The following REDIC1 variants were observed in gnomAD, a reference collection of about 807,000 sequenced individuals.
The protein encoded by REDIC1 is HEI10 Interacting Protein 1.
chr12:39,809,235 A>G, the REDIC1 span, among the ~76,000 whole-genome samples: 1 of 152,052 alleles, frequency 6.6e-6, no homozygotes, highest in Non-Finnish European at 1.5e-5. Context: ...GCATATATGG[A>G]TCTATTTCTG....
chr12:39,776,455 G>A, the REDIC1 span, among the ~76,000 whole-genome samples: 3 of 152,200 alleles, frequency 2.0e-5, no homozygotes, highest in Admixed American at 6.5e-5. Flanking sequence ...GCAAGGGGTG[G>A]GTGCTGTATA....
At chr12:39,711,700 TGTATACAC>T in the REDIC1 span, among the ~76,000 whole-genome samples, 1 of 14,114 alleles carries the variant, frequency 7.1e-5, no homozygotes, top group Non-Finnish European at 3.7e-4. Context: ...TATGTGTATG[TGTATACAC>T]ATGCATGTGT....
chr12:39,902,777 C>T, the REDIC1 span, among the ~76,000 whole-genome samples: 4 of 152,000 alleles, frequency 2.6e-5, no homozygotes, highest in African/African-American at 7.2e-5. Flanking sequence ...TTTATATTTA[C>T]ATAGTTTATA....
the REDIC1 span, among the ~76,000 whole-genome samples, chr12:39,662,833 G>T: frequency 4.6e-5 from 7 of 152,002 alleles, no homozygotes; most frequent in Non-Finnish European, 7.4e-5. Context: ...TTTTTATCAT[G>T]AATGGGTGTT....
chr12:39,730,781 G>A, the REDIC1 span, among the ~76,000 whole-genome samples: 892 of 152,232 alleles, frequency 5.9e-3, 29 homozygotes, highest in Admixed American at 0.052. Flanking sequence ...GTCACCTTCA[G>A]GTACACTAAT....
At chr12:39,877,298 C>T in the REDIC1 span, among the ~76,000 whole-genome samples, 3 of 152,130 alleles carry the variant, frequency 2.0e-5, no homozygotes, top group South Asian at 2.1e-4. Context: ...GTATGTCTTA[C>T]ACGGTGGCAG....
At chr12:39,699,131 G>C in the REDIC1 span, among the ~76,000 whole-genome samples, 1 of 152,022 alleles carries the variant, frequency 6.6e-6, no homozygotes, top group Non-Finnish European at 1.5e-5. Context: ...AATAAAATCA[G>C]AGGCCCAGCG....
At chr12:39,764,918 C>T in the REDIC1 span, 1 of 1,553,486 alleles carries the variant, frequency 6.4e-7, no homozygotes, top group Non-Finnish European at 8.8e-7. Flanking sequence ...TGCAGAAATT[C>T]AATATGATCA....
chr12:39,864,655 G>T, the REDIC1 span: 4 of 1,431,988 alleles, frequency 2.8e-6, no homozygotes, highest in Non-Finnish European at 2.8e-6. Flanking sequence ...ACATAAGCCT[G>T]GATGCCCAGC....
chr12:39,691,118 G>C, the REDIC1 span, among the ~76,000 whole-genome samples: 1 of 152,138 alleles, frequency 6.6e-6, no homozygotes, highest in South Asian at 2.1e-4. Flanking sequence ...GAGAAGAAAG[G>C]AAAAGGAAGT....
the REDIC1 span, among the ~76,000 whole-genome samples, chr12:39,785,806 A>T: frequency 6.6e-6 from 1 of 152,194 alleles, no homozygotes; most frequent in African/African-American, 2.4e-5. Flanking sequence ...AAAGGAGATC[A>T]TTTTGGAGCT....
chr12:39,785,016 T>G, the REDIC1 span, among the ~76,000 whole-genome samples: 2 of 152,162 alleles, frequency 1.3e-5, no homozygotes, highest in African/African-American at 4.8e-5. Flanking sequence ...GTTAGAAAAT[T>G]TGCAGCCTTA....
At chr12:39,713,790 T>A in the REDIC1 span, among the ~76,000 whole-genome samples, 12 of 148,938 alleles carry the variant, frequency 8.1e-5, no homozygotes, top group Non-Finnish European at 1.5e-4. Flanking sequence ...TAAATATACA[T>A]AGATGTATAT....
the REDIC1 span, among the ~76,000 whole-genome samples, chr12:39,712,493 C>CA: frequency 6.6e-5 from 9 of 137,334 alleles, no homozygotes; most frequent in East Asian, 4.3e-4. Flanking sequence ...GGTATATATA[C>CA]GACGTATATA....
chr12:39,837,196 A>G, the REDIC1 span, among the ~76,000 whole-genome samples: 1 of 149,652 alleles, frequency 6.7e-6, no homozygotes, highest in South Asian at 2.1e-4. Flanking sequence ...CATACCTACA[A>G]CTATCTGATC....
At chr12:39,763,969 T>C in the REDIC1 span, among the ~76,000 whole-genome samples, 1 of 152,098 alleles carries the variant, frequency 6.6e-6, no homozygotes, top group South Asian at 2.1e-4. Flanking sequence ...GCACAGGTGA[T>C]ACAGTGGAAG....
the REDIC1 span, among the ~76,000 whole-genome samples, chr12:39,701,992 G>T: frequency 6.6e-6 from 1 of 152,062 alleles, no homozygotes; most frequent in East Asian, 1.9e-4. Context: ...AAGCAGGAAA[G>T]ATCCAAAATT....
the REDIC1 span, among the ~76,000 whole-genome samples, chr12:39,685,776 C>A: frequency 6.6e-6 from 1 of 152,186 alleles, no homozygotes; most frequent in Non-Finnish European, 1.5e-5. Flanking sequence ...TCTCTTCCAT[C>A]TATGAGCCTG....
the REDIC1 span, among the ~76,000 whole-genome samples, chr12:39,729,754 TG>T: frequency 6.6e-6 from 1 of 152,170 alleles, no homozygotes; most frequent in Non-Finnish European, 1.5e-5. Flanking sequence ...ATATTGACAG[TG>T]GGGTGCTAAA....
Sources: gnomAD v4.1 joint callset for allele counts (sites outside exome capture counted in the v4.1 genomes callset) on GRCh38, gnomAD v4.1.1 for gene constraint, MANE v1.5 for transcripts, NCBI Gene and HGNC (gene_info 2026-07-23, HGNC 2026-07-21) for gene names.